The following ZCWPW1 variants were observed in gnomAD, a reference collection of about 807,000 sequenced individuals.
ZCWPW1 encodes zinc finger CW-type and PWWP domain containing 1, also known as zinc finger CW-type PWWP domain protein 1.
ZCWPW1 carries 56 observed loss-of-function variants against 81.3 expected under a neutral mutation model. The observed-to-expected ratio is 0.69, with a 90% confidence interval of 0.56 to 0.86. The LOEUF (loss-of-function observed/expected upper bound fraction) is 0.86, where lower values mean the gene tolerates loss of function less well. Ranked by LOEUF, ZCWPW1 falls within the 40% of genes least tolerant of loss-of-function variation. The pLI is 0.00. For missense variants in ZCWPW1, 650 were observed against 769.8 expected (o/e 0.84, Z 1.84); for synonymous variants, 250 against 273.7 (o/e 0.91, Z 0.86).
chr7:100,406,981 G>A (rs1189550248), intron 11 of ZCWPW1, among the ~76,000 whole-genome samples, 183 bp from the exon 12 acceptor site: 1 of 152,100 alleles, frequency 6.6e-6, no homozygotes, highest in African/African-American at 2.4e-5. Flanking sequence ...CTAACCTCAG[G>A]AATCCTAGCC....
intron 5 of ZCWPW1, among the ~76,000 whole-genome samples, chr7:100,418,448 C>T (rs1011886050): frequency 4.6e-5 from 7 of 152,072 alleles, no homozygotes; most frequent in African/African-American, 1.7e-4. Context: ...GCCATGAGTT[C>T]AAGACCAGCC....
At position 100,419,611 on chromosome 7, in the gene ZCWPW1, C is replaced by A. The variant is rs1188560008; in HGVS notation, c.282+19G>T. ...GTATGAGAAAATCTCCTACCAGAGC[C>A]CACCACTATGACTGGTACCTTTTCT... On this transcript the variant is annotated intron_variant, in intron 4 of 17. Coordinates refer to ENST00000684423, the MANE Select transcript of ZCWPW1 (RefSeq NM_001386010.1). 1.3e-6 allele frequency: 2 copies of A among 1,596,302 alleles called. No homozygotes were observed. Among genetic ancestry groups the A allele is most frequent in the African/African-American group, 2.7e-5 (2 of 73,630 alleles).
rs1436198654 is a variant in ZCWPW1, at chr7:100,408,851, AGCTGGAACCAGCTGAAATG to A, written c.872-211_872-193del. 8.5e-3 allele frequency among the ~76,000 whole-genome samples: 1,298 copies of A among 152,146 alleles called. 15 individuals are homozygous for A. The highest frequency in any genetic ancestry group is 0.029 in the African/African-American group (1,215 of 41,494). ...ATGCAGCTGGAACCAGCTGAAATGC[AGCTGGAACCAGCTGAAATG>A]CAGCTGGAGGCAGTAGGAATGGTGC... On this transcript the variant is annotated intron_variant, in intron 9 of 17. Coordinates refer to ENST00000684423, the MANE Select transcript of ZCWPW1 (RefSeq NM_001386010.1).
intron 9 of ZCWPW1, among the ~76,000 whole-genome samples, 198 bp from the exon 10 acceptor site, chr7:100,408,857 A>T (rs907227985): frequency 6.7e-6 from 1 of 149,452 alleles, no homozygotes; most frequent in Non-Finnish European, 1.5e-5. Context: ...ATGCAGCTGG[A>T]ACCAGCTGAA....
intron 8 of ZCWPW1, among the ~76,000 whole-genome samples, chr7:100,412,467 A>C (rs1262265530): frequency 6.6e-6 from 1 of 152,178 alleles, no homozygotes; most frequent in Non-Finnish European, 1.5e-5. Flanking sequence ...TCCTGCTCCA[A>C]CCTTCCAGTA....
rs189426867 is a variant in ZCWPW1, at chr7:100,404,800, T to G, written c.1254+213A>C. Among the ~76,000 whole-genome samples the G allele has an allele frequency of 1.6e-3, 237 of 152,304 alleles. 1 individual carries two copies. The highest frequency in any genetic ancestry group is 5.4e-3 in the African/African-American group (226 of 41,564). On this transcript the variant is annotated intron_variant, in intron 13 of 17. Transcript: ENST00000684423. ...AAATTTGGAGGGGAAATTTTCACTG[T>G]TTTTTACTCTCTATCCTACCCCCAC...
At chr7:100,426,219 C>T (rs1218318651) in intron 1 of ZCWPW1, among the ~76,000 whole-genome samples, 2 of 152,290 alleles carry the variant, frequency 1.3e-5, no homozygotes, top group Non-Finnish European at 2.9e-5. Context: ...TTCAGCCGGG[C>T]GCAGTGGCTC....
At chr7:100,415,075 ATTTTTTTTTT>A (rs1165297451) in intron 8 of ZCWPW1, among the ~76,000 whole-genome samples, 18 of 74,204 alleles carry the variant, frequency 2.4e-4, no homozygotes, top group Admixed American at 2.0e-3. Flanking sequence ...CTCCGTACCC[ATTTTTTTTTT>A]TTTTTTTTTT....
chr7:100,413,430 AG>A (rs1342956360), intron 8 of ZCWPW1, among the ~76,000 whole-genome samples: 5 of 152,372 alleles, frequency 3.3e-5, no homozygotes, highest in African/African-American at 1.2e-4. Context: ...CTCTGCCTTC[AG>A]GTTTCAGCTG....
At chr7:100,414,775 C>G (rs1794874627) in intron 8 of ZCWPW1, among the ~76,000 whole-genome samples, 1 of 151,908 alleles carries the variant, frequency 6.6e-6, no homozygotes, top group Non-Finnish European at 1.5e-5. Flanking sequence ...ACCTGTAATC[C>G]CAACACTTTA....
At chr7:100,416,281 C>T in intron 7 of ZCWPW1, 24 bp downstream of exon 7, 2 of 1,609,908 alleles carry the variant, frequency 1.2e-6, no homozygotes, top group South Asian at 2.2e-5. Context: ...AGCCAGGCTT[C>T]AAAGTATATC....
rs28666818 is a variant in ZCWPW1, at chr7:100,402,454, C to A, written c.1474+62G>T. 187 of 1,576,022 alleles carry A rather than the reference C, an allele frequency of 1.2e-4. No homozygotes were observed. The African/African-American group carries it at 2.2e-3, about 19-fold the overall frequency. ...GTGAGGTCCAGCTACCTGCAGACTC[C>A]CTCTCTACCACTTCCCTGCCTTAAC... On this transcript the variant is annotated intron_variant, in intron 16 of 17. Coordinates refer to ENST00000684423, the MANE Select transcript of ZCWPW1 (RefSeq NM_001386010.1).
At chr7:100,403,405 T>C (rs1304639979) in intron 15 of ZCWPW1, among the ~76,000 whole-genome samples, 1 of 151,966 alleles carries the variant, frequency 6.6e-6, no homozygotes, top group Non-Finnish European at 1.5e-5. Flanking sequence ...TTAGTAGAGA[T>C]GGGGTTTCAC....
intron 3 of ZCWPW1, 43 bp from the exon 4 acceptor site, chr7:100,419,926 C>T (rs770804321): frequency 8.2e-6 from 12 of 1,469,910 alleles, no homozygotes; most frequent in Non-Finnish European, 1.1e-5. Context: ...AACATACAGT[C>T]TAACAGAGAT....
chr7:100,414,109 T>C (rs184028692), intron 8 of ZCWPW1, among the ~76,000 whole-genome samples: 2 of 152,314 alleles, frequency 1.3e-5, no homozygotes, highest in Non-Finnish European at 2.9e-5. Context: ...CCAGGCCACC[T>C]GGTTGTTCAA....
intron 2 of ZCWPW1, among the ~76,000 whole-genome samples, chr7:100,422,902 G>A (rs571399246): frequency 6.6e-6 from 1 of 152,312 alleles, no homozygotes; most frequent in African/African-American, 2.4e-5. Flanking sequence ...TTGCTGCAAA[G>A]GACATGATCT....
In ZCWPW1 at chr7:100,400,994, A is replaced by C; in HGVS notation, c.*20T>G. The C allele has an allele frequency of 6.3e-7, 1 of 1,577,488 alleles. No individual in the cohort carries two copies. Among genetic ancestry groups the C allele is most frequent in the Non-Finnish European group, 8.6e-7 (1 of 1,160,846 alleles). On this transcript the variant is annotated 3_prime_UTR_variant, in exon 18 of 18. Coordinates refer to ENST00000684423, the MANE Select transcript of ZCWPW1 (RefSeq NM_001386010.1). ...TGCGCCCCAGAGAAGGGAGAAAAAG[A>C]GGGAGCAGAGGAGCACCAGCTACTT...
chr7:100,419,745 G>C lies in ZCWPW1; in HGVS notation c.167C>G (p.Pro56Arg). 6.2e-7 allele frequency: 1 copy of C among 1,613,972 alleles called. No homozygotes were observed. Among genetic ancestry groups the C allele is most frequent in the Non-Finnish European group, 8.5e-7 (1 of 1,180,012 alleles). ...SPETEARISL[P>R]KASLKKKEEK... ...CTCTTTCTTCTTTAAACTGGCCTTTGGCAGGCTTATCCTGGCCTCTGTCTC... is the reference window on the plus strand; with the variant it reads ...CTCTTTCTTCTTTAAACTGGCCTTTCGCAGGCTTATCCTGGCCTCTGTCTC... Residue 56 changes from proline to arginine, a missense_variant, in exon 4 of 18, where the codon CCA becomes CGA. Transcript: ENST00000684423.
chr7:100,405,115 A>G, intron 12 of ZCWPW1, 22 bp from the exon 13 acceptor site: 6 of 1,607,704 alleles, frequency 3.7e-6, no homozygotes, highest in Non-Finnish European at 5.1e-6. Context: ...GATTAGAGCC[A>G]ATGATAAATA....
Sources: gnomAD v4.1 joint callset for allele counts (sites outside exome capture counted in the v4.1 genomes callset) on GRCh38, gnomAD v4.1.1 for gene constraint, MANE v1.5 for transcripts, NCBI Gene and HGNC (gene_info 2026-07-23, HGNC 2026-07-21) for gene names.